Variants in LARS2 observed in about 807,000 individuals in gnomAD.
LARS2 encodes the protein leucyl-tRNA synthetase 2, mitochondrial.
LARS2 carries 81 observed loss-of-function variants against 116.6 expected under a neutral mutation model. The ratio of observed to expected loss-of-function variants is 0.69; its 90% CI spans 0.58 to 0.84. LARS2 has a LOEUF of 0.84. Ranked by LOEUF, LARS2 falls within the 40% of genes least tolerant of loss-of-function variation. The probability of loss-of-function intolerance (pLI) is 0.00; values close to 1 mark genes in which losing one functional copy is unlikely to be tolerated. For missense variants in LARS2, 968 were observed against 1,114.5 expected (o/e 0.87, Z 1.87); for synonymous variants, 396 against 407.2 (o/e 0.97, Z 0.33).
intron 8 of LARS2, among the ~76,000 whole-genome samples, chr3:45,466,355 T>C (rs899559192): frequency 3.3e-5 from 5 of 152,190 alleles, no homozygotes; most frequent in African/African-American, 1.2e-4. Flanking sequence ...ACTTCAAAGC[T>C]AGAAGAAACT....
chr3:45,389,356 C>A (rs1697898649), intron 1 of LARS2, among the ~76,000 whole-genome samples: 1 of 152,274 alleles, frequency 6.6e-6, no homozygotes, highest in South Asian at 2.1e-4. Context: ...ATGAATGACT[C>A]CCTTCTCAAG....
rs571564020 is a variant in LARS2 at position 45,446,527 on chromosome 3, A to G, written c.517-364A>G. 5.2e-5 allele frequency among the ~76,000 whole-genome samples: 8 copies of G among 152,394 alleles called. No individual in the cohort carries two copies. The East Asian group carries it at 1.5e-3, about 29-fold the overall frequency. On this transcript the variant is annotated intron_variant, in intron 6 of 21. Transcript: ENST00000645846. Reference sequence around the variant, plus strand: ...TTTGTGATTGCTTTCAAAATGAGCTACATTTGTGAATAAGCATCAGGCCCC... The same window carrying G: ...TTTGTGATTGCTTTCAAAATGAGCTGCATTTGTGAATAAGCATCAGGCCCC...
At chr3:45,427,628 G>A (rs1698616695) in intron 6 of LARS2, among the ~76,000 whole-genome samples, 4 of 152,090 alleles carry the variant, frequency 2.6e-5, no homozygotes, top group Admixed American at 2.6e-4. Context: ...ATAGACTAGA[G>A]CATAAAACGT....
chr3:45,401,300 G>A (rs951546870), intron 4 of LARS2, among the ~76,000 whole-genome samples: 2 of 151,956 alleles, frequency 1.3e-5, no homozygotes, highest in Admixed American at 6.5e-5. Flanking sequence ...CCAGGAGTTC[G>A]AGACCAGCCT....
At chr3:45,450,228 T>C (rs541193663) in intron 7 of LARS2, among the ~76,000 whole-genome samples, 1 of 152,230 alleles carries the variant, frequency 6.6e-6, no homozygotes, top group Non-Finnish European at 1.5e-5. Flanking sequence ...CAAACATTTA[T>C]CTTTCTTTGT....
intron 15 of LARS2, among the ~76,000 whole-genome samples, chr3:45,503,666 G>A (rs1168553252): frequency 6.6e-6 from 1 of 151,620 alleles, no homozygotes. Context: ...ATAATTGCTG[G>A]ATTTTTTTTT....
In LARS2 at chr3:45,476,465, C is replaced by T. The variant is rs1699610584; in HGVS notation, c.859-3C>T. On this transcript the variant is annotated splice_region_variant and splice_polypyrimidine_tract_variant and intron_variant, in intron 9 of 21. Transcript: ENST00000645846. ...TGACATCACTCTTCTTTCCTATCACCAGGTTCATGGGCAAGCCACGGGCGA... is the reference window on the plus strand; with the variant it reads ...TGACATCACTCTTCTTTCCTATCACTAGGTTCATGGGCAAGCCACGGGCGA... 1 of 1,613,988 alleles carries T rather than the reference C, an allele frequency of 6.2e-7. No individual in the cohort carries two copies. Among genetic ancestry groups the T allele is most frequent in the Non-Finnish European group, 8.5e-7 (1 of 1,179,988 alleles).
chr3:45,454,609 G>T (rs940357638), intron 7 of LARS2, among the ~76,000 whole-genome samples: 1 of 152,144 alleles, frequency 6.6e-6, no homozygotes, highest in Non-Finnish European at 1.5e-5. Context: ...TACAAATAAG[G>T]CTAGTTAACT....
intron 4 of LARS2, among the ~76,000 whole-genome samples, chr3:45,405,886 A>G (rs1237714140): frequency 6.6e-6 from 1 of 152,158 alleles, no homozygotes; most frequent in Non-Finnish European, 1.5e-5. Flanking sequence ...GGGTATAGTG[A>G]ATCCCCACTG....
chr3:45,390,504 G>A lies in LARS2; in HGVS notation c.-87-1079G>A, dbSNP rs1391106173. Among the ~76,000 whole-genome samples, 11 of 149,000 alleles carry A rather than the reference G, an allele frequency of 7.4e-5. No homozygotes were observed. The East Asian group carries it at 2.2e-3, about 30-fold the overall frequency. ...ATTTTTTGTATATTTAGTAGAGACA[G>A]GGTTTCACCGTGTTAGCCAGGATGG... On this transcript the variant is annotated intron_variant, in intron 1 of 21. Coordinates refer to ENST00000645846, the MANE Select transcript of LARS2 (RefSeq NM_015340.4).
In LARS2 at chr3:45,446,902, G is replaced by A. The variant is rs777360535; in HGVS notation, c.528G>A (p.Thr176=). Residue 176 remains threonine, a synonymous_variant, in exon 7 of 22, where the codon ACG becomes ACA. Transcript: ENST00000645846. The part of the protein sequence containing the change: ...LCFSWDREIT[T]CLPDYYKWTQ... ...TTCTTTGTTGGCAGGAAATAACTAC[G>A]TGTTTGCCAGATTACTACAAGTGGA... 21 of 1,606,194 alleles carry A rather than the reference G, an allele frequency of 1.3e-5. No individual in the cohort carries two copies. Among genetic ancestry groups the A allele is most frequent in the African/African-American group, 2.7e-5 (2 of 74,662 alleles).
chr3:45,485,318 T>C (rs1486160829), intron 10 of LARS2, among the ~76,000 whole-genome samples: 1 of 152,234 alleles, frequency 6.6e-6, no homozygotes, highest in Non-Finnish European at 1.5e-5. Flanking sequence ...TCAAGTGTTA[T>C]GATGGTTTGG....
rs1553634444 is a variant in LARS2, at chr3:45,484,630, A to AATATATAT, written c.1019-1051_1019-1044dup. 4.8e-3 allele frequency among the ~76,000 whole-genome samples: 47 copies of AATATATAT among 9,740 alleles called. 4 individuals are homozygous for AATATATAT. The highest frequency in any genetic ancestry group is 6.4e-3 in the African/African-American group (36 of 5,628). The allele number at this position is 9,740 out of a possible 152,430, so 6.4% of individuals were successfully genotyped here. A position where few individuals can be genotyped will look rare whatever the true frequency, so the allele number is the denominator to read the frequency against. ...AAAAAAAAAAAAAAAAAAAAAAAAA[A>AATATATAT]ATATATATATATATATATTTAAAAT... is the stretch of plus-strand genomic sequence containing the variant. On this transcript the variant is annotated intron_variant, in intron 10 of 21. Transcript: ENST00000645846.
chr3:45,474,393 C>A, intron 9 of LARS2, 43 bp downstream of exon 9: 1 of 1,317,256 alleles, frequency 7.6e-7, no homozygotes, highest in Non-Finnish European at 1.1e-6. Context: ...GATCACAAAT[C>A]TCCTCTACAT....
Position 45,411,635 on chromosome 3 carries a change from G to C in LARS2, c.364-5847G>C, listed in dbSNP as rs1202970319. ...CCTGATATAATGTTAAATGAAAAAA[G>C]GTCATAAAATAATGTATATAATCAT... On this transcript the variant is annotated intron_variant, in intron 4 of 21. Coordinates refer to ENST00000645846, the MANE Select transcript of LARS2 (RefSeq NM_015340.4). Among the ~76,000 whole-genome samples, 3 of 151,400 alleles carry C rather than the reference G, an allele frequency of 2.0e-5. No homozygotes were observed. The East Asian group carries it at 5.8e-4, about 29-fold the overall frequency.
intron 18 of LARS2, chr3:45,519,898 T>C (rs1214393852): frequency 1.8e-5 from 4 of 217,108 alleles, no homozygotes; most frequent in Non-Finnish European, 3.7e-5. Flanking sequence ...TCCACCCACC[T>C]CGGCCTTCCA....
At position 45,517,989 on chromosome 3, in the gene LARS2, T is replaced by C; in HGVS notation, c.2131T>C (p.Ser711Pro). The change falls in exon 18 of 22, where the codon TCT becomes CCT. Residue 711 changes from serine (S) to proline (P), a missense_variant. Physicochemically the swap from Ser to Pro is moderately conservative, Grantham distance 74. Transcript: ENST00000645846. ...RFIEARASGK[S>P]PQPQLLSNKE... ...TATTGAGGCCAGGGCTTCTGGGAAG[T>C]CTCCCCAGCCTCAGCTGCTGAGTAA... 1 of 1,613,560 alleles carries C rather than the reference T, an allele frequency of 6.2e-7. No individual in the cohort carries two copies.
At chr3:45,453,169 T>G (rs1365894219) in intron 7 of LARS2, among the ~76,000 whole-genome samples, 1 of 152,158 alleles carries the variant, frequency 6.6e-6, no homozygotes. Context: ...TTTCATTTAT[T>G]TCTACTCTGA....
At chr3:45,399,587 G>T (rs1456730815) in intron 3 of LARS2, among the ~76,000 whole-genome samples, 1 of 151,322 alleles carries the variant, frequency 6.6e-6, no homozygotes, top group Non-Finnish European at 1.5e-5. Flanking sequence ...TCTTTCTTGC[G>T]TGAGATCCAA....
Sources: gnomAD v4.1 joint callset for allele counts (sites outside exome capture counted in the v4.1 genomes callset) on GRCh38, gnomAD v4.1.1 for gene constraint, MANE v1.5 for transcripts, NCBI Gene and HGNC (gene_info 2026-07-23, HGNC 2026-07-21) for gene names.